The following NOL6 variants were observed in gnomAD, a reference collection of about 807,000 sequenced individuals.
NOL6 encodes the protein nucleolar RNA-associated protein.
NOL6 carries 33 observed loss-of-function variants against 131.7 expected under a neutral mutation model. The observed-to-expected ratio is 0.25, with a 90% CI of 0.19 to 0.33. The LOEUF is 0.33. Ranked by LOEUF, NOL6 falls within the 10% of genes least tolerant of loss-of-function variation. The probability of loss-of-function intolerance (pLI) is 1.00; values close to 1 mark genes in which losing one functional copy is unlikely to be tolerated. For missense variants in NOL6, 1,297 were observed against 1,494.5 expected (o/e 0.87, Z 2.18); for synonymous variants, 580 against 605.7 (o/e 0.96, Z 0.62).
Position 33,469,134 on chromosome 9 carries a change from A to G in NOL6, c.863-13T>C. On this transcript the variant is annotated splice_polypyrimidine_tract_variant and intron_variant, in intron 6 of 25. Coordinates refer to ENST00000297990, the MANE Select transcript of NOL6 (RefSeq NM_022917.5). The stretch of plus-strand genomic sequence containing the variant: ...GGCTCTGGGCTACCTGTGGGATGAA[A>G]AGGGAAGCCATGAGAGGAAAAGTCC... 6.2e-7 allele frequency: 1 copy of G among 1,614,024 alleles called. No individual in the cohort carries two copies. Among genetic ancestry groups the G allele is most frequent in the African/African-American group, 1.3e-5 (1 of 75,010 alleles).
At position 33,467,404 on chromosome 9, in the gene NOL6, T is replaced by C. The variant is rs1647652294; in HGVS notation, c.1715A>G (p.Asp572Gly). 1.9e-6 allele frequency: 3 copies of C among 1,614,014 alleles called. No homozygotes were observed. In the Admixed American group the frequency reaches 5.0e-5, roughly 27 times the overall value. Reference sequence around the variant, plus strand: ...GCTGGGGTCCCCCACCTCAGGCTGGTCTGCCTCTGGACCCAGCTCAAGGAC... The same window carrying C: ...GCTGGGGTCCCCCACCTCAGGCTGGCCTGCCTCTGGACCCAGCTCAAGGAC... Reference protein sequence around the residue: ...TSVLELGPEADQPEAAKFRQF... With the variant: ...TSVLELGPEAGQPEAAKFRQF... Residue 572 changes from aspartate to glycine, a missense_variant, in exon 13 of 26, where the codon GAC (aspartate) becomes GGC (glycine). Physicochemically the swap from Asp to Gly is moderately conservative, Grantham distance 94. Coordinates refer to ENST00000297990, the MANE Select transcript of NOL6 (RefSeq NM_022917.5). This position sits in a 1 kb window ranked among gnomAD's most constrained non-coding sequence, Gnocchi z 4.4.
chr9:33,465,455 C>T (rs1201470318), intron 19 of NOL6, 96 bp from the exon 20 acceptor site: 2 of 1,334,126 alleles, frequency 1.5e-6, no homozygotes, highest in African/African-American at 3.0e-5. Context: ...TAATAGGTTA[C>T]ATATGTAATC....
In NOL6 at chr9:33,469,277, C is replaced by A; in HGVS notation, c.792G>T (p.Pro264=). 6.2e-7 allele frequency: 1 copy of A among 1,614,162 alleles called. No individual in the cohort carries two copies. The highest frequency in any genetic ancestry group is 8.5e-7 in the Non-Finnish European group (1 of 1,180,032). Residue 264 remains proline, a synonymous_variant, in exon 6 of 26, where the codon CCG becomes CCT. Transcript: ENST00000297990. ...HPCPPPDFFR[P]CRLLPTKNNV... ...TGTTCTTGGTTGGCAGCAAGCGGCA[C>A]GGGCGGAAGAAGTCAGGTGGAGGGC...
In NOL6 at chr9:33,466,985, T is replaced by C; in HGVS notation, c.1877A>G (p.His626Arg). The change falls in exon 15 of 26, where the codon CAT becomes CGT. Residue 626 changes from histidine (H) to arginine (R), a missense_variant and splice_region_variant. By Grantham distance (29) the His-to-Arg change is conservative. Coordinates refer to ENST00000297990, the MANE Select transcript of NOL6 (RefSeq NM_022917.5). Reference sequence around the variant, plus strand: ...GACACAGGTTTCTGGGATGTCAGCATGGCTGAAAAAGAGGCAGAGACACAG... The same window carrying C: ...GACACAGGTTTCTGGGATGTCAGCACGGCTGAAAAAGAGGCAGAGACACAG... ...HQVVTHLLAL[H>R]ADIPETCVHY... 1.2e-6 allele frequency: 2 copies of C among 1,614,156 alleles called. No homozygotes were observed. The highest frequency in any genetic ancestry group is 8.5e-7 in the Non-Finnish European group (1 of 1,180,014).
intron 3 of NOL6, among the ~76,000 whole-genome samples, chr9:33,470,888 C>T (rs1434458782): frequency 6.6e-6 from 1 of 151,848 alleles, no homozygotes; most frequent in Non-Finnish European, 1.5e-5. Flanking sequence ...TAACTGGTCT[C>T]TCTAATCTCA....
intron 21 of NOL6, 132 bp from the exon 22 acceptor site, chr9:33,464,293 G>A (rs1468609241): frequency 9.7e-6 from 11 of 1,139,152 alleles, no homozygotes; most frequent in Non-Finnish European, 1.3e-5. Context: ...CCCACCAAGT[G>A]GCAAAGGTGA....
chr9:33,468,762 C>T lies in NOL6; in HGVS notation c.1137G>A (p.Leu379=). 6.2e-7 allele frequency: 1 copy of T among 1,614,164 alleles called. No individual in the cohort carries two copies. Among genetic ancestry groups the T allele is most frequent in the Non-Finnish European group, 8.5e-7 (1 of 1,180,022 alleles). The change falls in exon 8 of 26, where the codon TTG becomes TTA. Residue 379 remains leucine (L), a synonymous_variant. Transcript: ENST00000297990. ...ACCTAGTTGCCTCACCCAGAAACTG[C>T]AAGACACTTCTCAGGACCTGGTAGC... ...MSGYQVLRSV[L]QFLATTDLTV... is the part of the protein sequence containing the mutation.
chr9:33,469,272 C>A lies in NOL6; in HGVS notation c.797G>T (p.Arg266Leu), dbSNP rs140718868. 5 of 1,614,070 alleles carry A rather than the reference C, an allele frequency of 3.1e-6. No individual in the cohort carries two copies. The Admixed American group carries it at 6.7e-5, about 22-fold the overall frequency. Residue 266 changes from arginine to leucine, a missense_variant, in exon 6 of 26, where the codon CGC becomes CTC. By Grantham distance (102) the Arg-to-Leu change is moderately radical (BLOSUM62 -2). Coordinates refer to ENST00000297990, the MANE Select transcript of NOL6 (RefSeq NM_022917.5). ...CPPPDFFRPC[R>L]LLPTKNNVRS... is the part of the protein sequence containing the mutation. ...CACATTGTTCTTGGTTGGCAGCAAG[C>A]GGCACGGGCGGAAGAAGTCAGGTGG... is the stretch of plus-strand genomic sequence containing the variant.
chr9:33,473,728 G>A (rs990151271), intron 1 of NOL6, 61 bp downstream of exon 1: 11 of 1,583,880 alleles, frequency 6.9e-6, no homozygotes, highest in Non-Finnish European at 9.5e-6. Context: ...ACGCCATCTC[G>A]GGCCCTGCAG....
At position 33,462,773 on chromosome 9, in the gene NOL6, C is replaced by T. The variant is rs777296297; in HGVS notation, c.3332G>A (p.Gly1111Glu). 2.5e-6 allele frequency: 4 copies of T among 1,614,162 alleles called. No homozygotes were observed. In the Admixed American group the frequency reaches 5.0e-5, roughly 20 times the overall value. The change falls in exon 26 of 26, where the codon GGG becomes GAG. Residue 1111 changes from glycine to glutamate, a missense_variant. Physicochemically the swap from Gly to Glu is moderately conservative, Grantham distance 98. Coordinates refer to ENST00000297990, the MANE Select transcript of NOL6 (RefSeq NM_022917.5). The stretch of plus-strand genomic sequence containing the variant: ...AACATTGGGCACCATTACTAGCTCC[C>T]CACCTCGAGACATCACCATGCGCCC... ...TKGRMVMSRGGELVMVPNVEA... is the reference protein window; with the variant it reads ...TKGRMVMSRGEELVMVPNVEA...
chr9:33,465,654 G>T, intron 19 of NOL6, 80 bp downstream of exon 19: 1 of 1,466,336 alleles, frequency 6.8e-7, no homozygotes, highest in Non-Finnish European at 9.3e-7. Flanking sequence ...TCTGGCCCCT[G>T]GAGAGACAGG....
chr9:33,464,989 A>C lies in NOL6; in HGVS notation c.2682-13T>G. 6.2e-7 allele frequency: 1 copy of C among 1,601,152 alleles called. No homozygotes were observed. Among genetic ancestry groups the C allele is most frequent in the East Asian group, 2.2e-5 (1 of 44,814 alleles). On this transcript the variant is annotated splice_polypyrimidine_tract_variant and intron_variant, in intron 20 of 25. Coordinates refer to ENST00000297990, the MANE Select transcript of NOL6 (RefSeq NM_022917.5). ...AACCTGGGGGGAACTAAAGGGCTGG[A>C]GTAAGCAAAGAATCCAGGGCCCAGC...
chr9:33,463,116 C>A lies in NOL6; in HGVS notation c.3208G>T (p.Ala1070Ser). 1 of 1,613,486 alleles carries A rather than the reference C, an allele frequency of 6.2e-7. No individual in the cohort carries two copies. The highest frequency in any genetic ancestry group is 1.1e-5 in the South Asian group (1 of 90,980). Residue 1070 changes from alanine (A) to serine (S), a missense_variant, in exon 25 of 26, where the codon GCC (alanine) becomes TCC (serine). Transcript: ENST00000297990. ...CCATGCTGGTCATAGAAGAAAAGGG[C>A]CAGATCCCCAAAGGCCTCCTAGAAA... Reference protein sequence around the residue: ...TQLREAFGDLALFFYDQHGGE... With the variant: ...TQLREAFGDLSLFFYDQHGGE...
At position 33,469,548 on chromosome 9, in the gene NOL6, G is replaced by A. The variant is rs1827350661; in HGVS notation, c.678C>T (p.Ser226=). 3 of 1,610,158 alleles carry A rather than the reference G, an allele frequency of 1.9e-6. No individual in the cohort carries two copies. Among genetic ancestry groups the A allele is most frequent in the Middle Eastern group, 3.3e-4 (2 of 6,032 alleles). Residue 226 remains serine, a synonymous_variant, in exon 5 of 26, where the codon TCC becomes TCT. Coordinates refer to ENST00000297990, the MANE Select transcript of NOL6 (RefSeq NM_022917.5). ...GTTTCAGGTGGCAGCCATTTGTGTAGGAGAAGCAAACACTGCCAAAGAGGG... is the reference window on the plus strand; with the variant it reads ...GTTTCAGGTGGCAGCCATTTGTGTAAGAGAAGCAAACACTGCCAAAGAGGG... ...QDPLFGSVCF[S]YTNGCHLKPS...
At position 33,469,042 on chromosome 9, in the gene NOL6, C is replaced by T. The variant is rs762907254; in HGVS notation, c.942G>A (p.Leu314=). 2.4e-5 allele frequency: 38 copies of T among 1,614,194 alleles called. No individual in the cohort carries two copies. Among genetic ancestry groups the T allele is most frequent in the Non-Finnish European group, 3.1e-5 (36 of 1,180,030 alleles). The change falls in exon 7 of 26, where the codon CTG becomes CTA. Residue 314 remains leucine, a synonymous_variant. Coordinates refer to ENST00000297990, the MANE Select transcript of NOL6 (RefSeq NM_022917.5). ...CCTGGGCTGAACTCAGAATGGTTGACAGCAGCTGCAAATGGGACTCGAGAA... is the reference window on the plus strand; with the variant it reads ...CCTGGGCTGAACTCAGAATGGTTGATAGCAGCTGCAAATGGGACTCGAGAA... ...DTVLESHLQL[L]STILSSAQGL... is the part of the protein sequence containing the mutation.
chr9:33,471,209 A>T (rs558318057), intron 3 of NOL6, among the ~76,000 whole-genome samples: 1 of 152,230 alleles, frequency 6.6e-6, no homozygotes, highest in African/African-American at 2.4e-5. Context: ...GCTGCAGTGA[A>T]CTGAGATCGC....
At position 33,467,660 on chromosome 9, in the gene NOL6, G is replaced by A. The variant is rs1219197749; in HGVS notation, c.1602+31C>T. ...GGGACCCTGGATCCAGCCCAACTCA[G>A]ACCCAAACTCCCCAACCTACACCAC... On this transcript the variant is annotated intron_variant, in intron 12 of 25. Coordinates refer to ENST00000297990, the MANE Select transcript of NOL6 (RefSeq NM_022917.5). This position sits in a 1 kb window ranked among gnomAD's most constrained non-coding sequence, Gnocchi z 4.4. 1 of 1,545,386 alleles carries A rather than the reference G, an allele frequency of 6.5e-7. No homozygotes were observed. The highest frequency in any genetic ancestry group is 8.7e-7 in the Non-Finnish European group (1 of 1,145,654).
Position 33,469,484 on chromosome 9 carries a change from A to G in NOL6, c.727+15T>C, listed in dbSNP as rs1025257230. On this transcript the variant is annotated intron_variant, in intron 5 of 25. Transcript: ENST00000297990. ...CATCCCATGCTATGCCCTCAGCCCAATGTGTGCCTCTCACCACGCGGCCGC... is the reference window on the plus strand; with the variant it reads ...CATCCCATGCTATGCCCTCAGCCCAGTGTGTGCCTCTCACCACGCGGCCGC... 1.4e-5 allele frequency: 22 copies of G among 1,598,414 alleles called. No individual in the cohort carries two copies. The Middle Eastern group carries it at 1.3e-3, about 97-fold the overall frequency.
rs1187296377 is a variant in NOL6, at chr9:33,462,720, G to T, written c.3385C>A (p.Leu1129Met). 1.9e-6 allele frequency: 3 copies of T among 1,614,014 alleles called. No homozygotes were observed. The Admixed American group carries it at 5.0e-5, about 27-fold the overall frequency. The change falls in exon 26 of 26, where the codon CTG (leucine) becomes ATG (methionine). Residue 1129 changes from leucine (L) to methionine (M), a missense_variant. Coordinates refer to ENST00000297990, the MANE Select transcript of NOL6 (RefSeq NM_022917.5). ...ACAGTCTGCACCAGGCCTTCACCCA[G>T]CACAGCAAAGTCCTCCAGGATTGCT... is the stretch of plus-strand genomic sequence containing the variant. ...VEAILEDFAV[L>M]GEGLVQTVEA... is the part of the protein sequence containing the mutation.
Sources: allele counts gnomAD v4.1 joint callset (sites outside exome capture counted in the v4.1 genomes callset), GRCh38; gene constraint gnomAD v4.1.1; non-coding constraint Gnocchi (gnomAD v3.1); transcripts MANE v1.5; gene names NCBI Gene and HGNC (gene_info 2026-07-23, HGNC 2026-07-21).